Variants in TNPO3 observed in about 807,000 individuals in gnomAD.
TNPO3 encodes the protein transportin 3.
Under a neutral mutation model 122.8 loss-of-function variants are expected in TNPO3, and 65 were observed. The ratio of observed to expected loss-of-function variants is 0.53; its 90% CI spans 0.43 to 0.65. The LOEUF is 0.65. TNPO3 is among the 30% of genes least tolerant of loss of function. The pLI is 0.00. For synonymous variants in TNPO3, 372 were observed against 411.2 expected, an observed-to-expected ratio of 0.90 and a Z score of 1.15; for missense variants, 850 against 1,136.7, an observed-to-expected ratio of 0.75 and a Z score of 3.63.
chr7:129,001,943 C>T (rs1801993132), intron 5 of TNPO3, among the ~76,000 whole-genome samples: 1 of 152,158 alleles, frequency 6.6e-6, no homozygotes, highest in African/African-American at 2.4e-5. Flanking sequence ...AAGGGCTCAA[C>T]AAGTATCAAA....
intron 22 of TNPO3, 86 bp downstream of exon 22, chr7:128,957,138 T>C (rs896008703): frequency 1.2e-5 from 14 of 1,120,542 alleles, no homozygotes; most frequent in Admixed American, 3.5e-5. Context: ...ACTGGTCCCA[T>C]GATAGGCATT....
At chr7:128,957,177 C>G in intron 22 of TNPO3, 47 bp downstream of exon 22, 1 of 1,547,992 alleles carries the variant, frequency 6.5e-7, no homozygotes, top group Non-Finnish European at 8.9e-7. Flanking sequence ...CAGGCATCCC[C>G]AACAGTCCGA....
chr7:129,036,364 G>A (rs1292200104), intron 1 of TNPO3, among the ~76,000 whole-genome samples: 2 of 151,966 alleles, frequency 1.3e-5, no homozygotes, highest in Non-Finnish European at 2.9e-5. Context: ...CTACAGGTGT[G>A]CACCACCGTA....
At chr7:129,045,182 G>A (rs1294323913) in intron 1 of TNPO3, among the ~76,000 whole-genome samples, 1 of 152,168 alleles carries the variant, frequency 6.6e-6, no homozygotes, top group African/African-American at 2.4e-5. Context: ...TAGAATGGTG[G>A]TTGCCAGGGA....
Position 128,978,895 on chromosome 7 carries a change from G to A in TNPO3, c.2061+88C>T, listed in dbSNP as rs915540443. On this transcript the variant is annotated intron_variant, in intron 16 of 22. Transcript: ENST00000265388. ...GGTCCACCTGCATAGGCCTCCCAAA[G>A]TGCTGGGATTACAGACGTGAGCCAC... is the stretch of plus-strand genomic sequence containing the variant. 1.5e-5 allele frequency: 22 copies of A among 1,508,374 alleles called. No homozygotes were observed. In the Middle Eastern group the frequency reaches 7.1e-4, roughly 49 times the overall value. The allele number at this position is 1,508,374 out of a possible 1,614,324, so 93.4% of individuals were successfully genotyped here.
chr7:129,038,530 C>T (rs550227428), intron 1 of TNPO3, among the ~76,000 whole-genome samples: 1 of 152,082 alleles, frequency 6.6e-6, no homozygotes, highest in Non-Finnish European at 1.5e-5. Flanking sequence ...CACATGCATG[C>T]AAATGTTCAC....
chr7:129,012,904 T>C (rs1031608759), intron 4 of TNPO3, among the ~76,000 whole-genome samples: 2 of 152,144 alleles, frequency 1.3e-5, no homozygotes, highest in African/African-American at 4.8e-5. Flanking sequence ...CAAAGCTTTA[T>C]TTACAAAAAG....
At chr7:129,020,065 T>C in intron 1 of TNPO3, among the ~76,000 whole-genome samples, 1 of 151,938 alleles carries the variant, frequency 6.6e-6, no homozygotes, top group East Asian at 1.9e-4. Flanking sequence ...CTACTTGGGA[T>C]GCTGAGGCGA....
intron 22 of TNPO3, 27 bp downstream of exon 22, chr7:128,957,197 C>G: frequency 6.2e-7 from 1 of 1,602,026 alleles, no homozygotes; most frequent in East Asian, 2.2e-5. Context: ...ACAGTCCGGA[C>G]AAAAGCTGGG....
chr7:129,002,857 G>A (rs112466155), intron 5 of TNPO3, among the ~76,000 whole-genome samples: 8 of 151,636 alleles, frequency 5.3e-5, no homozygotes, highest in Non-Finnish European at 7.4e-5. Flanking sequence ...TCGAGACCAC[G>A]GTGAAACCCC....
At chr7:129,022,387 A>G (rs1804624068) in intron 1 of TNPO3, among the ~76,000 whole-genome samples, 1 of 152,002 alleles carries the variant, frequency 6.6e-6, no homozygotes, top group African/African-American at 2.4e-5. Context: ...AAAGTTATCA[A>G]AAGAGGAAGA....
At chr7:128,987,026 C>T in intron 11 of TNPO3, 106 bp from the exon 12 acceptor site, 3 of 1,208,306 alleles carry the variant, frequency 2.5e-6, no homozygotes, top group Non-Finnish European at 3.4e-6. Flanking sequence ...AGCAAAAGAA[C>T]CCTTTTAAAA....
chr7:129,026,125 CAAAA>C (rs57663203), intron 1 of TNPO3, among the ~76,000 whole-genome samples: 1 of 99,130 alleles, frequency 1.0e-5, no homozygotes. Context: ...GACTCCGTCT[CAAAA>C]AAAAAAAAAA....
At chr7:128,999,054 T>A (rs543826291) in intron 7 of TNPO3, among the ~76,000 whole-genome samples, 2 of 152,118 alleles carry the variant, frequency 1.3e-5, no homozygotes, top group Non-Finnish European at 2.9e-5. Flanking sequence ...GGTTTCATCA[T>A]GTTGGTCAGG....
rs574796293 is a variant in TNPO3 at position 129,007,555 on chromosome 7, A to T, written c.553-2396T>A. On this transcript the variant is annotated intron_variant, in intron 4 of 22. Transcript: ENST00000265388. ...AAACAGAATCATCTATCACACATGAACCAACTATTTTACTAGTTTTAAGCA... is the reference window on the plus strand; with the variant it reads ...AAACAGAATCATCTATCACACATGATCCAACTATTTTACTAGTTTTAAGCA... 4.6e-5 allele frequency among the ~76,000 whole-genome samples: 7 copies of T among 152,358 alleles called. No individual in the cohort carries two copies. The South Asian group carries it at 1.4e-3, about 32-fold the overall frequency.
At chr7:128,957,408 C>A in intron 21 of TNPO3, 93 bp from the exon 22 acceptor site, 1 of 1,287,900 alleles carries the variant, frequency 7.8e-7, no homozygotes, top group Non-Finnish European at 1.1e-6. Flanking sequence ...TGAGAACCGT[C>A]CCAACTCTGC....
At chr7:129,021,054 GT>G (rs1275598669) in intron 1 of TNPO3, among the ~76,000 whole-genome samples, 1 of 152,082 alleles carries the variant, frequency 6.6e-6, no homozygotes, top group African/African-American at 2.4e-5. Flanking sequence ...GAGGATGGCA[GT>G]TGAAAATGGA....
chr7:129,002,047 G>C (rs1394047168), intron 5 of TNPO3, among the ~76,000 whole-genome samples: 1 of 152,224 alleles, frequency 6.6e-6, no homozygotes, highest in African/African-American at 2.4e-5. Flanking sequence ...GGAGGTAATA[G>C]TAAGGAGCAG....
At chr7:129,027,294 C>A (rs917256414) in intron 1 of TNPO3, among the ~76,000 whole-genome samples, 7 of 152,112 alleles carry the variant, frequency 4.6e-5, no homozygotes, top group African/African-American at 1.7e-4. Context: ...GGCACAGTGG[C>A]TCACACCTAT....
Sources: allele counts gnomAD v4.1 joint callset (sites outside exome capture counted in the v4.1 genomes callset), GRCh38; gene constraint gnomAD v4.1.1; transcripts MANE v1.5; gene names NCBI Gene and HGNC (gene_info 2026-07-23, HGNC 2026-07-21).